Variants in SLC22A24 observed in about 807,000 individuals in gnomAD.
SLC22A24 encodes the protein solute carrier family 22 member 24, also known as steroid transmembrane transporter SLC22A24.
SLC22A24 carries 53 observed loss-of-function variants against 49.8 expected under a neutral mutation model. The ratio of observed to expected loss-of-function variants is 1.06; its 90% CI spans 0.85 to 1.34. SLC22A24 has a LOEUF of 1.34. Ranked by LOEUF, SLC22A24 falls within the 40% of genes most tolerant of loss-of-function variation. The probability of loss-of-function intolerance (pLI) is 0.00; values close to 1 mark genes in which losing one functional copy is unlikely to be tolerated. For synonymous variants in SLC22A24, 302 were observed against 256.4 expected, an observed-to-expected ratio of 1.18 and a Z score of -1.70; for missense variants, 786 against 675.9, an observed-to-expected ratio of 1.16 and a Z score of -1.81.
chr11:63,089,750 C>G (rs1240671648), intron 6 of SLC22A24, among the ~76,000 whole-genome samples: 3 of 152,046 alleles, frequency 2.0e-5, no homozygotes, highest in African/African-American at 4.8e-5. Context: ...ATCTTAGTCT[C>G]TGATAAAACA....
chr11:63,083,908 C>G (rs930844537), intron 6 of SLC22A24, among the ~76,000 whole-genome samples: 6 of 152,134 alleles, frequency 3.9e-5, no homozygotes, highest in Non-Finnish European at 7.4e-5. Context: ...AGTCAAACTT[C>G]TCTGCTCCCG....
chr11:63,098,603 C>A (rs933309739), intron 5 of SLC22A24, among the ~76,000 whole-genome samples: 1 of 152,010 alleles, frequency 6.6e-6, no homozygotes, highest in African/African-American at 2.4e-5. Flanking sequence ...CTGAAGGTTG[C>A]AGTAAGCCAA....
intron 6 of SLC22A24, among the ~76,000 whole-genome samples, chr11:63,091,585 A>G (rs867174335): frequency 2.0e-5 from 3 of 152,238 alleles, no homozygotes; most frequent in Non-Finnish European, 2.9e-5. Flanking sequence ...TATCCCTGGG[A>G]TGCAAGCCTA....
intron 5 of SLC22A24, among the ~76,000 whole-genome samples, chr11:63,097,968 A>G (rs2087066016): frequency 6.6e-6 from 1 of 151,986 alleles, no homozygotes; most frequent in African/African-American, 2.4e-5. Flanking sequence ...TACCTAATGC[A>G]TGTGAAGCTT....
chr11:63,129,218 C>A (rs2087315959), intron 2 of SLC22A24, among the ~76,000 whole-genome samples: 1 of 152,108 alleles, frequency 6.6e-6, no homozygotes, highest in African/African-American at 2.4e-5. Flanking sequence ...CCCAGCACCA[C>A]TTATTAAAAA....
At position 63,120,033 on chromosome 11, in the gene SLC22A24, A is replaced by G. The variant is rs529557547; in HGVS notation, c.507-698T>C. Among the ~76,000 whole-genome samples, 12 of 151,534 alleles carry G rather than the reference A, an allele frequency of 7.9e-5. No homozygotes were observed. In the South Asian group the frequency reaches 2.5e-3, roughly 32 times the overall value. ...ATTCTGGATATTAGCCCTTTGTCAG[A>G]TGAGTAGGTTGTGAAAATTTTCTCC... On this transcript the variant is annotated intron_variant, in intron 2 of 9. Coordinates refer to ENST00000612278, the MANE Select transcript of SLC22A24 (RefSeq NM_001136506.2).
At position 63,108,648 on chromosome 11, in the gene SLC22A24, TGTTTA is replaced by T. The variant is rs565636591; in HGVS notation, c.831-4355_831-4351del. Among the ~76,000 whole-genome samples, 326 of 152,194 alleles carry T rather than the reference TGTTTA, an allele frequency of 2.1e-3. 1 individual carries two copies. The highest frequency in any genetic ancestry group is 0.014 in the Middle Eastern group (4 of 294). ...ATTCAGAGATTCAACTTTTTCCTGG[TGTTTA>T]GTCTTGGGAGGGTGTATGTGTCCAG... On this transcript the variant is annotated intron_variant, in intron 4 of 9. Transcript: ENST00000612278.
intron 5 of SLC22A24, among the ~76,000 whole-genome samples, chr11:63,102,993 A>G (rs1231163576): frequency 6.6e-6 from 1 of 152,190 alleles, no homozygotes. Context: ...AAGGTCCTAT[A>G]GTTAGAGAAC....
chr11:63,109,137 A>T (rs1409169609), intron 4 of SLC22A24, among the ~76,000 whole-genome samples: 1 of 150,360 alleles, frequency 6.7e-6, no homozygotes, highest in Non-Finnish European at 1.5e-5. Context: ...GAGAATGATG[A>T]TTTCCAGTTT....
At chr11:63,116,017 C>G in intron 4 of SLC22A24, 1 of 331,864 alleles carries the variant, frequency 3.0e-6, no homozygotes, top group Non-Finnish European at 5.7e-6. Context: ...TGGGCAAGAG[C>G]CTACTTCCCA....
chr11:63,107,266 C>G (rs546623510), intron 4 of SLC22A24, among the ~76,000 whole-genome samples: 67 of 152,094 alleles, frequency 4.4e-4, no homozygotes, highest in African/African-American at 1.5e-3. Flanking sequence ...ATTTCTGAGG[C>G]CTCTGTTCTG....
chr11:63,139,081 A>G (rs968729488), intron 1 of SLC22A24, among the ~76,000 whole-genome samples: 2 of 152,216 alleles, frequency 1.3e-5, no homozygotes, highest in African/African-American at 4.8e-5. Context: ...TAAGCAAGTT[A>G]TAGGCATATT....
At chr11:63,127,085 C>T (rs907905507) in intron 2 of SLC22A24, among the ~76,000 whole-genome samples, 4 of 152,120 alleles carry the variant, frequency 2.6e-5, no homozygotes, top group Admixed American at 6.6e-5. Context: ...CCCATCAAGT[C>T]GTCATTTACA....
chr11:63,133,429 C>T (rs888171734), intron 2 of SLC22A24, among the ~76,000 whole-genome samples: 1 of 152,110 alleles, frequency 6.6e-6, no homozygotes, highest in African/African-American at 2.4e-5. Flanking sequence ...GGAGCTATTC[C>T]TATTCAGCCA....
At chr11:63,133,061 G>A (rs2087348425) in intron 2 of SLC22A24, among the ~76,000 whole-genome samples, 1 of 152,134 alleles carries the variant, frequency 6.6e-6, no homozygotes, top group Non-Finnish European at 1.5e-5. Flanking sequence ...ATCGCAGGTC[G>A]ATCTCAGACT....
chr11:63,096,137 G>C (rs1309687925), intron 5 of SLC22A24, 31 bp from the exon 6 acceptor site: 3 of 1,373,792 alleles, frequency 2.2e-6, no homozygotes, highest in South Asian at 2.5e-5. Flanking sequence ...ACAAGCATTT[G>C]TGAGATGTCA....
chr11:63,138,091 C>T (rs933937881), intron 1 of SLC22A24, among the ~76,000 whole-genome samples: 2 of 152,140 alleles, frequency 1.3e-5, no homozygotes, highest in East Asian at 1.9e-4. Context: ...CAGGATAGAA[C>T]GTGGGTTTAG....
rs184204793 is a variant in SLC22A24, at chr11:63,138,031, G to C, written c.403-3263C>G. Among the ~76,000 whole-genome samples the C allele has an allele frequency of 3.3e-3, 510 of 152,288 alleles. 1 individual carries two copies. The highest frequency in any genetic ancestry group is 4.4e-3 in the Non-Finnish European group (301 of 68,022). ...GGCTGTAGCATATCTGGTATAGTTT[G>C]TGCTAAGAATTTGTCTTTCTGTGTT... On this transcript the variant is annotated intron_variant, in intron 1 of 9. Transcript: ENST00000612278.
At chr11:63,089,543 T>C (rs1204081466) in intron 6 of SLC22A24, among the ~76,000 whole-genome samples, 2 of 152,212 alleles carry the variant, frequency 1.3e-5, no homozygotes, top group Non-Finnish European at 2.9e-5. Context: ...AGCATCATGA[T>C]GATAGGATCA....
Sources: gnomAD v4.1 joint callset for allele counts (sites outside exome capture counted in the v4.1 genomes callset) on GRCh38, gnomAD v4.1.1 for gene constraint, MANE v1.5 for transcripts, NCBI Gene and HGNC (gene_info 2026-07-23, HGNC 2026-07-21) for gene names.